Variants in TEX52 observed in about 807,000 individuals in gnomAD.
The protein encoded by TEX52 is testis expressed 52.
In TEX52, 22 loss-of-function variants were observed where a neutral mutation model predicts 17.6. The observed-to-expected ratio is 1.25, with a 90% confidence interval of 0.89 to 1.78. The LOEUF is 1.78. TEX52 is among the 40% of genes most tolerant of loss of function. TEX52 has a pLI of 0.00. For missense variants in TEX52, 396 were observed against 372.3 expected, an observed-to-expected ratio of 1.06 and a Z score of -0.52; for synonymous variants, 168 against 147.4, an observed-to-expected ratio of 1.14 and a Z score of -1.01.
At chr12:2,848,795 A>T (rs902299707), downstream of TEX52, among the ~76,000 whole-genome samples, 1 of 151,702 alleles carries the variant, frequency 6.6e-6, no homozygotes, top group African/African-American at 2.4e-5. Context: ...CTCATTCCCA[A>T]TGGGTTATGA....
Position 2,854,957 on chromosome 12 carries a change from C to T in TEX52, c.562G>A (p.Glu188Lys), listed in dbSNP as rs1236923306. ...KEVEKLKLRSEARAPPLDAQG... is the reference protein window; with the variant it reads ...KEVEKLKLRSKARAPPLDAQG... ...GCATCGAGTGGGGGTGCTCTTGCCT[C>T]ACTCCTCAACTTGAGCTTCTCCACC... is the stretch of plus-strand genomic sequence containing the variant. Residue 188 changes from glutamate to lysine, a missense_variant, in exon 2 of 3, where the codon GAG becomes AAG. Transcript: ENST00000637658. 3 of 1,536,100 alleles carry T rather than the reference C, an allele frequency of 2.0e-6. No individual in the cohort carries two copies. The highest frequency in any genetic ancestry group is 1.4e-5 in the African/African-American group (1 of 73,002).
Position 2,855,057 on chromosome 12 carries a change from G to A in TEX52, c.462C>T (p.Ile154=). 6.5e-7 allele frequency: 1 copy of A among 1,536,134 alleles called. No homozygotes were observed. ...TGTCCACAAACGTGGGATAACAGTG[G>A]ATGAAGGTCAGGAAGCTGTTTTGCC... ...WMGQNSFLTF[I]HCYPTFVDMK... The change falls in exon 2 of 3, where the codon ATC becomes ATT. Residue 154 remains isoleucine (I), a synonymous_variant. Transcript: ENST00000637658.
chr12:2,851,941 A>T (rs887782098), intron 2 of TEX52, among the ~76,000 whole-genome samples: 1 of 152,148 alleles, frequency 6.6e-6, no homozygotes, highest in Non-Finnish European at 1.5e-5. Flanking sequence ...AACCTTCCAA[A>T]GTGCTGGGAT....
Position 2,855,252 on chromosome 12 carries a change from G to A in TEX52, c.267C>T (p.Ala89=), listed in dbSNP as rs1447894028. 6.0e-6 allele frequency: 9 copies of A among 1,509,596 alleles called. No individual in the cohort carries two copies. The highest frequency in any genetic ancestry group is 7.1e-6 in the Non-Finnish European group (8 of 1,129,092). The allele number at this position is 1,509,596 out of a possible 1,614,324, so 93.5% of individuals were successfully genotyped here. ...QRLIHPWKGG[A]QHTWGFHTWL... Reference sequence around the variant, plus strand: ...ACGTGTGAAAGCCCCAGGTGTGCTGGGCGCCACCCTTCCAAGGGTGGATGA... The same window carrying A: ...ACGTGTGAAAGCCCCAGGTGTGCTGAGCGCCACCCTTCCAAGGGTGGATGA... Residue 89 remains alanine (A), a synonymous_variant, in exon 2 of 3, where the codon GCC becomes GCT. Transcript: ENST00000637658.
At position 2,855,123 on chromosome 12, in the gene TEX52, G is replaced by T. The variant is rs1220375641; in HGVS notation, c.396C>A (p.Cys132Ter). The change falls in exon 2 of 3, where the codon TGC (cysteine) becomes TGA (stop). Residue 132 changes from cysteine (C) to a stop codon, truncating the protein, a stop_gained. Transcript: ENST00000637658. LOFTEE classifies it high-confidence loss of function. ...RWLTDSNAHR[C>*]PPTEHPIPPP... ...GGGGGATGGGGTGCTCCGTGGGGGGGCATCTGTGGGCATTGGAGTCGGTCA... is the reference window on the plus strand; with the variant it reads ...GGGGGATGGGGTGCTCCGTGGGGGGTCATCTGTGGGCATTGGAGTCGGTCA... The T allele has an allele frequency of 2.0e-6, 3 of 1,533,390 alleles. No homozygotes were observed. Among genetic ancestry groups the T allele is most frequent in the Non-Finnish European group, 2.6e-6 (3 of 1,145,104 alleles). The allele number at this position is 1,533,390 out of a possible 1,614,324, so 95.0% of individuals were successfully genotyped here. A position where few individuals can be genotyped will look rare whatever the true frequency, so the allele number is the denominator to read the frequency against.
chr12:2,849,138 T>C lies in TEX52; in HGVS notation c.*93A>G, dbSNP rs964606546. The C allele has an allele frequency of 4.2e-5, 56 of 1,337,574 alleles. No individual in the cohort carries two copies. Among genetic ancestry groups the C allele is most frequent in the Non-Finnish European group, 5.5e-5 (55 of 1,007,312 alleles). 82.9% of individuals were successfully genotyped at this position (1,337,574 alleles called of 1,614,324 possible). ...TGTTCTGCAGAAGCCAGAGTCCTTTTGCTACCCCAGGGCCTCTTGCTGAAG... is the reference window on the plus strand; with the variant it reads ...TGTTCTGCAGAAGCCAGAGTCCTTTCGCTACCCCAGGGCCTCTTGCTGAAG... On this transcript the variant is annotated 3_prime_UTR_variant, in exon 3 of 3. Transcript: ENST00000637658.
At chr12:2,849,954 GTTTCT>G (rs1375198238) in intron 2 of TEX52, among the ~76,000 whole-genome samples, 1 of 152,258 alleles carries the variant, frequency 6.6e-6, no homozygotes, top group African/African-American at 2.4e-5. Flanking sequence ...ACAGACTTTT[GTTTCT>G]TTTAACACAG....
intron 2 of TEX52, among the ~76,000 whole-genome samples, chr12:2,850,475 C>CAAAAAAA (rs1275655927): frequency 5.7e-4 from 40 of 70,684 alleles, no homozygotes; most frequent in Non-Finnish European, 1.1e-3. Flanking sequence ...GACTCTGTCT[C>CAAAAAAA]AAAAAAAAAA....
In TEX52 at chr12:2,855,404, C is replaced by A; in HGVS notation, c.115G>T (p.Ala39Ser). 6.7e-7 allele frequency: 1 copy of A among 1,500,952 alleles called. No individual in the cohort carries two copies. Among genetic ancestry groups the A allele is most frequent in the Non-Finnish European group, 8.9e-7 (1 of 1,126,718 alleles). 93.0% of individuals were successfully genotyped at this position (1,500,952 alleles called of 1,614,324 possible). ...SESLPPSQTW[A>S]QREFFLPSES... Reference sequence around the variant, plus strand: ...CTGGGGAGGAAGAACTCACGCTGAGCCCACGTTTGGGAGGGTGGGAGGGAC... The same window carrying A: ...CTGGGGAGGAAGAACTCACGCTGAGACCACGTTTGGGAGGGTGGGAGGGAC... Residue 39 changes from alanine (A) to serine (S), a missense_variant, in exon 2 of 3, where the codon GCT becomes TCT. Coordinates refer to ENST00000637658, the MANE Select transcript of TEX52 (RefSeq NM_001365174.2).
rs778583431 is a variant in TEX52 at position 2,855,211 on chromosome 12, C to T, written c.308G>A (p.Arg103His). The change falls in exon 2 of 3, where the codon CGT (arginine) becomes CAT (histidine). Residue 103 changes from arginine (R) to histidine (H), a missense_variant. Transcript: ENST00000637658. The part of the protein sequence containing the change: ...WGFHTWLDVC[R>H]LPATFPTQPD... ...CTGGGTGGGGAAGGTGGCAGGCAGA[C>T]GGCACACATCGAGCCACGTGTGAAA... The T allele has an allele frequency of 1.1e-5, 16 of 1,504,574 alleles. 1 individual carries two copies. The highest frequency in any genetic ancestry group is 4.9e-5 in the East Asian group (2 of 40,480). The allele number at this position is 1,504,574 out of a possible 1,614,324, so 93.2% of individuals were successfully genotyped here.
At chr12:2,852,637 T>G (rs1011912195) in intron 2 of TEX52, among the ~76,000 whole-genome samples, 1 of 151,966 alleles carries the variant, frequency 6.6e-6, no homozygotes, top group African/African-American at 2.4e-5. Flanking sequence ...AGTGTTGGGA[T>G]TACAGGCATG....
chr12:2,853,612 T>C (rs1404443625), intron 2 of TEX52, among the ~76,000 whole-genome samples: 1 of 148,668 alleles, frequency 6.7e-6, no homozygotes, highest in Non-Finnish European at 1.5e-5. Context: ...TTTTTGTTTT[T>C]GTTTTTTTTT....
chr12:2,851,640 G>GT, intron 2 of TEX52, among the ~76,000 whole-genome samples: 1 of 151,886 alleles, frequency 6.6e-6, no homozygotes, highest in East Asian at 1.9e-4. Context: ...ACCACGCCCG[G>GT]CCGCTAAATT....
chr12:2,849,626 C>A, intron 2 of TEX52, 101 bp from the exon 3 acceptor site: 1 of 1,348,912 alleles, frequency 7.4e-7, no homozygotes, highest in Non-Finnish European at 1.0e-6. Flanking sequence ...TGTCCACAAG[C>A]TAGTTAGCCA....
In TEX52 at chr12:2,855,101, G is replaced by T; in HGVS notation, c.418C>A (p.Pro140Thr). The change falls in exon 2 of 3, where the codon CCC (proline) becomes ACC (threonine). Residue 140 changes from proline to threonine, a missense_variant. Pro to Thr is a conservative substitution (Grantham distance 38). Coordinates refer to ENST00000637658, the MANE Select transcript of TEX52 (RefSeq NM_001365174.2). ...TTTTGCCCCATCCAGGAGGGAGGGG[G>T]GATGGGGTGCTCCGTGGGGGGGCAT... ...HRCPPTEHPI[P>T]PPSWMGQNSF... 1.3e-6 allele frequency: 2 copies of T among 1,535,700 alleles called. No homozygotes were observed. Among genetic ancestry groups the T allele is most frequent in the Admixed American group, 2.0e-5 (1 of 50,974 alleles).
At chr12:2,856,931 C>T (rs778600897) in intron 1 of TEX52, 24 bp downstream of exon 1, 23 of 702,902 alleles carry the variant, frequency 3.3e-5, no homozygotes, top group Non-Finnish European at 4.4e-5. Flanking sequence ...AAAAGGTAGG[C>T]GGCAGAGATG....
chr12:2,849,433 G>A lies in TEX52; in HGVS notation c.716C>T (p.Pro239Leu). ...PFPNNFARSW[P>L]CPNPLPHYQE... ...GTAGTGAGGCAGAGGGTTTGGGCAG[G>A]GCCAGCTCCTGGCGAAATTATTGGG... Residue 239 changes from proline (P) to leucine (L), a missense_variant, in exon 3 of 3, where the codon CCC becomes CTC. Transcript: ENST00000637658. 3 of 1,536,160 alleles carry A rather than the reference G, an allele frequency of 2.0e-6. No homozygotes were observed. The highest frequency in any genetic ancestry group is 2.6e-6 in the Non-Finnish European group (3 of 1,146,918).
At position 2,849,202 on chromosome 12, in the gene TEX52, T is replaced by A; in HGVS notation, c.*29A>T. 6.6e-7 allele frequency: 1 copy of A among 1,517,954 alleles called. No homozygotes were observed. Among genetic ancestry groups the A allele is most frequent in the Non-Finnish European group, 8.8e-7 (1 of 1,139,574 alleles). The allele number at this position is 1,517,954 out of a possible 1,614,324, so 94.0% of individuals were successfully genotyped here. A position where few individuals can be genotyped will look rare whatever the true frequency, so the allele number is the denominator to read the frequency against. On this transcript the variant is annotated 3_prime_UTR_variant, in exon 3 of 3. Transcript: ENST00000637658. Reference sequence around the variant, plus strand: ...GAACACTGGAGCCTGGGGCTCTGGGTATCACGATCGTCCCCTCTGGAAGCC... The same window carrying A: ...GAACACTGGAGCCTGGGGCTCTGGGAATCACGATCGTCCCCTCTGGAAGCC...
rs1488562922 is a variant in TEX52 at position 2,855,431 on chromosome 12, C to T, written c.88G>A (p.Glu30Lys). 6.8e-6 allele frequency: 10 copies of T among 1,470,572 alleles called. No individual in the cohort carries two copies. The East Asian group carries it at 7.5e-5, about 11-fold the overall frequency. The allele number at this position is 1,470,572 out of a possible 1,614,324, so 91.1% of individuals were successfully genotyped here. A position where few individuals can be genotyped will look rare whatever the true frequency, so the allele number is the denominator to read the frequency against. The change falls in exon 2 of 3, where the codon GAG becomes AAG. Residue 30 changes from glutamate to lysine, a missense_variant. Transcript: ENST00000637658. ...CACGTTTGGGAGGGTGGGAGGGACT[C>T]GCTGGCCTGGACCATCTAGGGAGAG... ...EPFLQMVQAS[E>K]SLPPSQTWAQ...
Sources: allele counts gnomAD v4.1 joint callset (sites outside exome capture counted in the v4.1 genomes callset), GRCh38; gene constraint gnomAD v4.1.1; transcripts MANE v1.5; gene names NCBI Gene and HGNC (gene_info 2026-07-23, HGNC 2026-07-21).